VPS54: variants seen among roughly 807,000 people sequenced by gnomAD.
The protein encoded by VPS54 is VPS54 subunit of GARP complex.
Under a neutral mutation model 121.5 loss-of-function variants are expected in VPS54, and 45 were observed. That is an observed-to-expected ratio of 0.37 (90% CI 0.29 to 0.47). The LOEUF (loss-of-function observed/expected upper bound fraction) is 0.47, where lower values mean the gene tolerates loss of function less well. VPS54 is among the 20% of genes least tolerant of loss of function. The pLI, the probability that VPS54 is intolerant of heterozygous loss-of-function variation, is 0.99. For missense variants in VPS54, 1,090 were observed against 1,131.4 expected (o/e 0.96, Z 0.52); for synonymous variants, 371 against 385.8 (o/e 0.96, Z 0.45).
chr2:63,904,674 C>T (rs1420373591), intron 20 of VPS54, among the ~76,000 whole-genome samples: 1 of 151,996 alleles, frequency 6.6e-6, no homozygotes, highest in African/African-American at 2.4e-5. Context: ...CAGAAAAGAC[C>T]TAAATAACAC....
At chr2:64,014,915 T>A (rs73935043) in intron 1 of VPS54, among the ~76,000 whole-genome samples, 4,598 of 152,166 alleles carry the variant, frequency 0.03, 241 homozygotes, top group African/African-American at 0.11. Flanking sequence ...ATCAACAAAT[T>A]AAGCTTGTTA....
intron 11 of VPS54, among the ~76,000 whole-genome samples, chr2:63,942,103 T>A (rs556660427): frequency 7.9e-5 from 12 of 151,694 alleles, no homozygotes; most frequent in African/African-American, 2.9e-4. Context: ...AACACCATTA[T>A]ATCAACATTG....
At chr2:63,990,176 G>A (rs967813738) in intron 1 of VPS54, among the ~76,000 whole-genome samples, 14 of 152,032 alleles carry the variant, frequency 9.2e-5, no homozygotes, top group East Asian at 3.9e-4. Context: ...CATGGACTTC[G>A]TTATCTGATC....
Position 63,983,517 on chromosome 2 carries a change from A to G in VPS54, c.136+347T>C, listed in dbSNP as rs547939174. Among the ~76,000 whole-genome samples, 3 of 144,174 alleles carry G rather than the reference A, an allele frequency of 2.1e-5. No homozygotes were observed. In the South Asian group the frequency reaches 6.6e-4, roughly 32 times the overall value. The allele number at this position is 144,174 out of a possible 152,430, so 94.6% of individuals were successfully genotyped here. A position where few individuals can be genotyped will look rare whatever the true frequency, so the allele number is the denominator to read the frequency against. On this transcript the variant is annotated intron_variant, in intron 2 of 22. Coordinates refer to ENST00000272322, the MANE Select transcript of VPS54 (RefSeq NM_016516.3). ...GAGTGCAGTGGCCCGATCTCAGCTC[A>G]CTGCATGCTCCACCTCCTGAGTTCA...
intron 9 of VPS54, among the ~76,000 whole-genome samples, chr2:63,946,339 G>C (rs1674977251): frequency 6.6e-6 from 1 of 152,056 alleles, no homozygotes; most frequent in Admixed American, 6.6e-5. Flanking sequence ...GTACTGCCAG[G>C]AACATTCTTC....
chr2:64,004,497 C>T (rs1256598689), intron 1 of VPS54, among the ~76,000 whole-genome samples: 1 of 152,140 alleles, frequency 6.6e-6, no homozygotes, highest in East Asian at 1.9e-4. Context: ...TTACTGATAA[C>T]AGGAGGACAA....
At chr2:63,909,001 TCTC>T (rs748309297) in intron 20 of VPS54, among the ~76,000 whole-genome samples, 3 of 152,182 alleles carry the variant, frequency 2.0e-5, no homozygotes, top group Non-Finnish European at 2.9e-5. Context: ...AGAGATCTGT[TCTC>T]CTCAACTTCA....
Position 63,893,508 on chromosome 2 carries a change from G to A in VPS54, c.2856C>T (p.Tyr952=). ...NGLVTADVAF[Y]TGNLQALKGL... ...CTTTTAAGGCTTGAAGATTTCCAGT[G>A]TAAAAAGCTACATCTGCTGTGACCA... is the stretch of plus-strand genomic sequence containing the variant. The change falls in exon 23 of 23, where the codon TAC becomes TAT. Residue 952 remains tyrosine, a synonymous_variant. Coordinates refer to ENST00000272322, the MANE Select transcript of VPS54 (RefSeq NM_016516.3). 2 of 1,613,956 alleles carry A rather than the reference G, an allele frequency of 1.2e-6. No homozygotes were observed. Among genetic ancestry groups the A allele is most frequent in the African/African-American group, 1.3e-5 (1 of 75,024 alleles).
At chr2:63,957,441 CAAAA>C (rs10551633) in intron 7 of VPS54, among the ~76,000 whole-genome samples, 1 of 90,110 alleles carries the variant, frequency 1.1e-5, no homozygotes, top group African/African-American at 4.0e-5. Context: ...GACTCCATCT[CAAAA>C]AAAAAAAAAA....
chr2:63,957,160 C>T (rs1255450470), intron 7 of VPS54, among the ~76,000 whole-genome samples: 3 of 151,762 alleles, frequency 2.0e-5, no homozygotes, highest in South Asian at 2.1e-4. Flanking sequence ...ATTTATATCC[C>T]GGCCGGGCAC....
intron 16 of VPS54, among the ~76,000 whole-genome samples, chr2:63,915,745 G>A (rs1209559348): frequency 6.6e-6 from 1 of 152,152 alleles, no homozygotes; most frequent in African/African-American, 2.4e-5. Flanking sequence ...GACTTCAGAA[G>A]AGAAAAGAAT....
chr2:64,005,204 C>T (rs533298248), intron 1 of VPS54, among the ~76,000 whole-genome samples: 61 of 143,780 alleles, frequency 4.2e-4, no homozygotes, highest in Admixed American at 3.3e-3. Context: ...CCCAGGTTCA[C>T]GCCATTCTCC....
intron 11 of VPS54, among the ~76,000 whole-genome samples, chr2:63,939,245 G>A (rs1472286675): frequency 6.6e-6 from 1 of 151,864 alleles, no homozygotes; most frequent in Non-Finnish European, 1.5e-5. Flanking sequence ...GGTGGCGTGC[G>A]CCTATAATCC....
At chr2:63,920,347 CA>C (rs1558991782) in intron 14 of VPS54, 98 bp downstream of exon 14, 2 of 1,133,794 alleles carry the variant, frequency 1.8e-6, no homozygotes, top group Non-Finnish European at 2.3e-6. Flanking sequence ...CTTTATCAGG[CA>C]TTTTCACTGG....
chr2:63,937,167 A>T (rs1674492718), intron 11 of VPS54, among the ~76,000 whole-genome samples: 1 of 152,116 alleles, frequency 6.6e-6, no homozygotes, highest in South Asian at 2.1e-4. Flanking sequence ...CAAAATAGAA[A>T]AACTTCTATG....
chr2:63,913,093 G>C, intron 18 of VPS54, 130 bp downstream of exon 18: 1 of 698,692 alleles, frequency 1.4e-6, no homozygotes, highest in Non-Finnish European at 2.3e-6. Context: ...AAAAGAGTAA[G>C]TAGCATTTAT....
At chr2:63,929,153 G>A (rs544901694) in intron 12 of VPS54, among the ~76,000 whole-genome samples, 1 of 152,134 alleles carries the variant, frequency 6.6e-6, no homozygotes, top group East Asian at 1.9e-4. Flanking sequence ...CTCAGCTCTG[G>A]ACCAAACGGA....
intron 6 of VPS54, among the ~76,000 whole-genome samples, chr2:63,964,467 G>A (rs1675899768): frequency 6.6e-6 from 1 of 152,006 alleles, no homozygotes. Context: ...GACTTTTACT[G>A]GCTTTTGCTG....
At chr2:63,940,049 C>G (rs545701699) in intron 11 of VPS54, among the ~76,000 whole-genome samples, 1 of 152,244 alleles carries the variant, frequency 6.6e-6, no homozygotes, top group African/African-American at 2.4e-5. Context: ...AGCCATGGTG[C>G]CTGGCCCTGT....
Sources: gnomAD v4.1 joint callset for allele counts (sites outside exome capture counted in the v4.1 genomes callset) on GRCh38, gnomAD v4.1.1 for gene constraint, MANE v1.5 for transcripts, NCBI Gene and HGNC (gene_info 2026-07-23, HGNC 2026-07-21) for gene names.